SAMTOR: variants seen among roughly 807,000 people sequenced by gnomAD.
SAMTOR encodes S-adenosylmethionine sensor upstream of mTORC1, also known as UPF0532 protein C7orf60.
the SAMTOR span, chr7:112,915,493 CAG>C: frequency 6.9e-7 from 1 of 1,445,158 alleles, no homozygotes; most frequent in African/African-American, 1.4e-5. Context: ...TGAAACATGT[CAG>C]ACTCTTGAAA....
At chr7:112,853,576 C>CT in the SAMTOR span, among the ~76,000 whole-genome samples, 2 of 152,098 alleles carry the variant, frequency 1.3e-5, no homozygotes, top group Admixed American at 6.5e-5. Context: ...TCTAAGTAAG[C>CT]TTTTTTTGCT....
chr7:112,923,635 T>C, the SAMTOR span, among the ~76,000 whole-genome samples: 22 of 152,120 alleles, frequency 1.4e-4, no homozygotes, highest in South Asian at 4.1e-4. Flanking sequence ...GTCAGTGTGG[T>C]GATTCCTCAG....
the SAMTOR span, among the ~76,000 whole-genome samples, chr7:112,910,062 A>G: frequency 1.3e-5 from 2 of 152,064 alleles, no homozygotes; most frequent in African/African-American, 2.4e-5. Context: ...TCTTTGTACT[A>G]CAGAGCAAGA....
the SAMTOR span, among the ~76,000 whole-genome samples, chr7:112,834,492 C>T: frequency 2.0e-5 from 3 of 151,902 alleles, no homozygotes; most frequent in Non-Finnish European, 2.9e-5. Flanking sequence ...TTCAGTTACC[C>T]GCAGTTAACC....
chr7:112,927,485 T>C, the SAMTOR span, among the ~76,000 whole-genome samples: 1 of 152,042 alleles, frequency 6.6e-6, no homozygotes, highest in African/African-American at 2.4e-5. Context: ...TTTAATATAA[T>C]GGCATCTGTG....
At chr7:112,927,420 G>T in the SAMTOR span, among the ~76,000 whole-genome samples, 1 of 151,920 alleles carries the variant, frequency 6.6e-6, no homozygotes, top group African/African-American at 2.4e-5. Context: ...AAACATTTAG[G>T]TCTTCAAGTT....
the SAMTOR span, among the ~76,000 whole-genome samples, chr7:112,880,575 T>C: frequency 2.6e-5 from 4 of 151,888 alleles, no homozygotes; most frequent in Non-Finnish European, 5.9e-5. Flanking sequence ...TCTTTCTGCA[T>C]AAATAGCTTT....
the SAMTOR span, among the ~76,000 whole-genome samples, chr7:112,918,390 C>G: frequency 9.9e-5 from 15 of 152,122 alleles, no homozygotes; most frequent in African/African-American, 3.6e-4. Context: ...TACAGACAAG[C>G]AAATGCTGAG....
chr7:112,921,944 CCCCTCTCCCTCTCCCTCT>C, the SAMTOR span, among the ~76,000 whole-genome samples: 1 of 149,400 alleles, frequency 6.7e-6, no homozygotes, highest in African/African-American at 2.5e-5. Flanking sequence ...AAAGCCCCTC[CCCCTCTCCCTCTCCCTCT>C]CCCTCTCCCG....
chr7:112,857,959 C>CCCCTGGGATGCACA, the SAMTOR span, among the ~76,000 whole-genome samples: 1 of 152,132 alleles, frequency 6.6e-6, no homozygotes, highest in African/African-American at 2.4e-5. Context: ...AGGGAGATGT[C>CCCCTGGGATGCACA]CCCTGGGATG....
the SAMTOR span, among the ~76,000 whole-genome samples, chr7:112,920,568 T>C: frequency 3.0e-3 from 436 of 145,556 alleles, 1 homozygote; most frequent in African/African-American, 0.01. Flanking sequence ...CTCACCACTC[T>C]TATTCAACAT....
At chr7:112,862,104 A>G in the SAMTOR span, among the ~76,000 whole-genome samples, 1 of 152,164 alleles carries the variant, frequency 6.6e-6, no homozygotes, top group Non-Finnish European at 1.5e-5. Context: ...AAAAATAAAA[A>G]ATTAGGTGGG....
the SAMTOR span, among the ~76,000 whole-genome samples, chr7:112,858,521 AGTT>A: frequency 2.6e-5 from 4 of 152,132 alleles, no homozygotes; most frequent in South Asian, 2.1e-4. Flanking sequence ...ATAAAAATCA[AGTT>A]GTTATTCTTA....
At chr7:112,855,190 T>C in the SAMTOR span, among the ~76,000 whole-genome samples, 1 of 152,218 alleles carries the variant, frequency 6.6e-6, no homozygotes, top group South Asian at 2.1e-4. Flanking sequence ...ATATCTAATA[T>C]AGAAGGAAAT....
At chr7:112,908,692 T>A in the SAMTOR span, among the ~76,000 whole-genome samples, 1 of 152,130 alleles carries the variant, frequency 6.6e-6, no homozygotes, top group Non-Finnish European at 1.5e-5. Flanking sequence ...CATATGTACA[T>A]GGATATGAAT....
the SAMTOR span, among the ~76,000 whole-genome samples, chr7:112,873,573 G>A: frequency 6.6e-6 from 1 of 152,120 alleles, no homozygotes. Context: ...TGCAAGATGG[G>A]TTAAAGGCTT....
the SAMTOR span, among the ~76,000 whole-genome samples, chr7:112,915,144 AG>A: frequency 6.6e-6 from 1 of 152,090 alleles, no homozygotes. Flanking sequence ...AGGCTGAGGC[AG>A]AAGAACTGAT....
chr7:112,896,131 C>T, the SAMTOR span, among the ~76,000 whole-genome samples: 2 of 152,142 alleles, frequency 1.3e-5, no homozygotes, highest in Non-Finnish European at 2.9e-5. Flanking sequence ...AGACAGATAA[C>T]CCAACAGCTG....
chr7:112,881,018 C>T, the SAMTOR span, among the ~76,000 whole-genome samples: 2 of 152,164 alleles, frequency 1.3e-5, no homozygotes, highest in Admixed American at 1.3e-4. Flanking sequence ...TGTTCAGCTG[C>T]GGCTGCAGAC....
Sources: gnomAD v4.1 joint callset for allele counts (sites outside exome capture counted in the v4.1 genomes callset) on GRCh38, gnomAD v4.1.1 for gene constraint, MANE v1.5 for transcripts, NCBI Gene and HGNC (gene_info 2026-07-23, HGNC 2026-07-21) for gene names.